Variants in RBFOX1 observed in about 807,000 individuals in gnomAD.
RBFOX1 encodes the protein RNA binding protein fox-1 homolog 1.
In RBFOX1, 8 loss-of-function variants were observed where a neutral mutation model predicts 57.7. The observed-to-expected ratio is 0.14, with a 90% CI of 0.08 to 0.25. RBFOX1 has a LOEUF of 0.25. Ranked by LOEUF, RBFOX1 falls within the 10% of genes least tolerant of loss-of-function variation. The pLI is 1.00. For synonymous variants in RBFOX1, 326 were observed against 222.4 expected (o/e 1.47, Z -4.15); for missense variants, 611 against 548.5 (o/e 1.11, Z -1.14).
intron 5 of RBFOX1, among the ~76,000 whole-genome samples, chr16:7,521,266 G>C (rs2077460162): frequency 6.6e-6 from 1 of 152,198 alleles, no homozygotes; most frequent in Non-Finnish European, 1.5e-5. Context: ...AGGGGATTTG[G>C]AGGTGATGTG....
intron 3 of RBFOX1, among the ~76,000 whole-genome samples, chr16:6,944,338 T>C (rs1349133916): frequency 6.8e-6 from 1 of 147,430 alleles, no homozygotes; most frequent in Non-Finnish European, 1.5e-5. Flanking sequence ...GAGGTTGCAG[T>C]GTGCCAAGAT....
chr16:6,805,677 C>T (rs1015234328), intron 3 of RBFOX1, among the ~76,000 whole-genome samples: 1 of 149,842 alleles, frequency 6.7e-6, no homozygotes, highest in Non-Finnish European at 1.5e-5. Context: ...ATGCTGAAAA[C>T]ATGTGAAATT....
intron 2 of RBFOX1, among the ~76,000 whole-genome samples, chr16:6,491,582 C>G (rs1196789585): frequency 6.6e-6 from 1 of 152,162 alleles, no homozygotes; most frequent in African/African-American, 2.4e-5. Context: ...CATTATCCTT[C>G]TTATTGATAG....
chr16:5,858,955 C>T (rs1381490416), intron 3 of RBFOX1, among the ~76,000 whole-genome samples: 1 of 152,212 alleles, frequency 6.6e-6, no homozygotes, highest in Non-Finnish European at 1.5e-5. Flanking sequence ...TGGCTCACGC[C>T]TGTAATCCCA....
chr16:5,927,659 C>A (rs908234848), intron 4 of RBFOX1, among the ~76,000 whole-genome samples: 1 of 152,182 alleles, frequency 6.6e-6, no homozygotes, highest in Non-Finnish European at 1.5e-5. Context: ...ATGTTCATTG[C>A]AGCACTATTC....
chr16:7,555,583 C>T (rs917763706), intron 5 of RBFOX1, among the ~76,000 whole-genome samples: 3 of 152,176 alleles, frequency 2.0e-5, no homozygotes, highest in East Asian at 1.9e-4. Context: ...CAAAGACCTG[C>T]GTGACCTGTT....
chr16:6,879,254 T>A (rs1031017183), intron 3 of RBFOX1, among the ~76,000 whole-genome samples: 2 of 152,196 alleles, frequency 1.3e-5, no homozygotes, highest in Non-Finnish European at 2.9e-5. Flanking sequence ...TGGCTTTCAG[T>A]GAATTTATTT....
chr16:7,257,413 T>C (rs1230202770), intron 4 of RBFOX1, among the ~76,000 whole-genome samples: 1 of 152,168 alleles, frequency 6.6e-6, no homozygotes, highest in Non-Finnish European at 1.5e-5. Flanking sequence ...CTGAAGTCAC[T>C]GTAGGGAAAA....
chr16:6,833,627 C>A (rs1222611485), intron 3 of RBFOX1, among the ~76,000 whole-genome samples: 1 of 152,196 alleles, frequency 6.6e-6, no homozygotes, highest in Non-Finnish European at 1.5e-5. Context: ...TGTCACAGGG[C>A]AGAGATTTTG....
intron 3 of RBFOX1, among the ~76,000 whole-genome samples, chr16:6,755,172 C>T (rs1020557350): frequency 1.7e-4 from 26 of 152,168 alleles, no homozygotes; most frequent in African/African-American, 6.3e-4. Context: ...CATACGTGTG[C>T]ATGTGTCTTT....
chr16:6,925,782 T>C (rs944089302), intron 3 of RBFOX1, among the ~76,000 whole-genome samples: 1 of 152,052 alleles, frequency 6.6e-6, no homozygotes, highest in Non-Finnish European at 1.5e-5. Context: ...GTAGGGATGA[T>C]ATTTAGAAAT....
chr16:6,801,288 T>C (rs781357648), intron 3 of RBFOX1, among the ~76,000 whole-genome samples: 4 of 152,090 alleles, frequency 2.6e-5, no homozygotes, highest in Non-Finnish European at 4.4e-5. Flanking sequence ...TTTTGTCCTT[T>C]AGAACATATA....
At chr16:6,605,526 A>G (rs2097913923) in intron 2 of RBFOX1, among the ~76,000 whole-genome samples, 1 of 152,228 alleles carries the variant, frequency 6.6e-6, no homozygotes, top group South Asian at 2.1e-4. Flanking sequence ...ATTTTGGCCA[A>G]ATACAAGCGT....
intron 2 of RBFOX1, chr16:6,483,431 C>T: frequency 1.3e-6 from 2 of 1,535,462 alleles, no homozygotes; most frequent in South Asian, 1.2e-5. Context: ...GTGCCGTTTG[C>T]TGTTGCCTCG....
rs2043303818 is a variant in RBFOX1, at chr16:7,033,334, A to G, written c.-15-18723A>G. On this transcript the variant is annotated intron_variant, in intron 3 of 15. Transcript: ENST00000550418. Reference sequence around the variant, plus strand: ...CAGGAGTTTGAGACCAGCCTGGCTGACATGGTGAAACCCCGTCTCTACTAA... The same window carrying G: ...CAGGAGTTTGAGACCAGCCTGGCTGGCATGGTGAAACCCCGTCTCTACTAA... Among the ~76,000 whole-genome samples, 4 of 152,332 alleles carry G rather than the reference A, an allele frequency of 2.6e-5. No homozygotes were observed. The South Asian group carries it at 8.3e-4, about 32-fold the overall frequency.
chr16:7,129,303 G>C (rs1030308064), intron 4 of RBFOX1, among the ~76,000 whole-genome samples: 3 of 152,094 alleles, frequency 2.0e-5, no homozygotes. Context: ...TGTTTCATCG[G>C]TTTGGTTAGA....
At chr16:6,640,333 G>C (rs1358252456) in intron 2 of RBFOX1, among the ~76,000 whole-genome samples, 3 of 152,098 alleles carry the variant, frequency 2.0e-5, no homozygotes, top group African/African-American at 7.2e-5. Context: ...TAGAGGCCGG[G>C]CATAGTGGCT....
At chr16:6,430,064 C>T (rs1468846118) in intron 2 of RBFOX1, among the ~76,000 whole-genome samples, 1 of 151,700 alleles carries the variant, frequency 6.6e-6, no homozygotes, top group African/African-American at 2.4e-5. Flanking sequence ...GCCTAGATCA[C>T]GTCACTGCAT....
At chr16:7,104,561 G>T (rs1253577270) in intron 4 of RBFOX1, among the ~76,000 whole-genome samples, 4 of 152,108 alleles carry the variant, frequency 2.6e-5, no homozygotes, top group Non-Finnish European at 5.9e-5. Flanking sequence ...TATGATAAAG[G>T]TGGGCTGAAA....
Sources: gnomAD v4.1 joint callset for allele counts (sites outside exome capture counted in the v4.1 genomes callset) on GRCh38, gnomAD v4.1.1 for gene constraint, MANE v1.5 for transcripts, NCBI Gene and HGNC (gene_info 2026-07-23, HGNC 2026-07-21) for gene names.